The following MYO9A variants were observed in gnomAD, a reference collection of about 807,000 sequenced individuals.
MYO9A encodes the protein myosin IXA.
MYO9A carries 103 observed loss-of-function variants against 293.3 expected under a neutral mutation model. The ratio of observed to expected loss-of-function variants is 0.35; its 90% CI spans 0.30 to 0.41. The LOEUF (loss-of-function observed/expected upper bound fraction) is 0.41. MYO9A is among the 10% of genes least tolerant of loss of function. The pLI is 1.00. For missense variants in MYO9A, 2,685 were observed against 3,033.0 expected, an observed-to-expected ratio of 0.89 and a Z score of 2.69; for synonymous variants, 1,001 against 1,035.7, an observed-to-expected ratio of 0.97 and a Z score of 0.64.
At chr15:71,861,181 T>A (rs1032133692) in intron 33 of MYO9A, among the ~76,000 whole-genome samples, 1 of 151,524 alleles carries the variant, frequency 6.6e-6, no homozygotes, top group African/African-American at 2.4e-5. Flanking sequence ...GCAAAACTGC[T>A]GTTGAACCAT....
intron 14 of MYO9A, among the ~76,000 whole-genome samples, chr15:71,952,809 T>G (rs2059082716): frequency 6.6e-6 from 1 of 152,232 alleles, no homozygotes; most frequent in Admixed American, 6.5e-5. Context: ...CATTTTACTG[T>G]ATAATTAGGA....
intron 19 of MYO9A, among the ~76,000 whole-genome samples, chr15:71,906,828 A>G (rs1272609678): frequency 1.5e-5 from 2 of 133,022 alleles, no homozygotes; most frequent in East Asian, 2.1e-4. Context: ...CAGTGGCACG[A>G]TCTCGGCCTA....
At position 71,951,523 on chromosome 15, in the gene MYO9A, C is replaced by G. The variant is rs549317927; in HGVS notation, c.2302+254G>C. ...ACTTGAAAGACAAATAGAAACCAAT[C>G]CAGTGACTGTAACCAAGTATAATTA... On this transcript the variant is annotated intron_variant, in intron 15 of 41. Coordinates refer to ENST00000356056, the MANE Select transcript of MYO9A (RefSeq NM_006901.4). 9.0e-4 allele frequency among the ~76,000 whole-genome samples: 137 copies of G among 151,946 alleles called. 1 individual carries two copies. The highest frequency in any genetic ancestry group is 3.4e-3 in the Middle Eastern group (1 of 294).
chr15:71,842,941 G>C (rs2055225629), intron 39 of MYO9A, among the ~76,000 whole-genome samples: 2 of 151,848 alleles, frequency 1.3e-5, no homozygotes, highest in South Asian at 4.2e-4. Flanking sequence ...ATGGGGCGGG[G>C]GGTGGTGAGG....
At chr15:72,034,101 C>CTGA (rs1255686592) in intron 2 of MYO9A, among the ~76,000 whole-genome samples, 6 of 152,196 alleles carry the variant, frequency 3.9e-5, no homozygotes, top group African/African-American at 1.4e-4. Flanking sequence ...GTCAACCAAG[C>CTGA]TGATGCCCCG....
chr15:72,050,713 T>C (rs1195519828), intron 1 of MYO9A, among the ~76,000 whole-genome samples: 1 of 152,222 alleles, frequency 6.6e-6, no homozygotes, highest in Non-Finnish European at 1.5e-5. Flanking sequence ...CAGGTAATTC[T>C]GTTATTGCTG....
intron 13 of MYO9A, among the ~76,000 whole-genome samples, chr15:71,962,476 C>T (rs1349380759): frequency 1.3e-5 from 2 of 152,090 alleles, no homozygotes; most frequent in Admixed American, 6.6e-5. Context: ...CTTACATACC[C>T]TTAGAGCAAA....
chr15:71,956,352 A>ATATATATATATATATAT (rs1346560683), intron 14 of MYO9A, among the ~76,000 whole-genome samples: 5 of 64,906 alleles, frequency 7.7e-5, no homozygotes, highest in Non-Finnish European at 1.1e-4. Context: ...TATATATATA[A>ATATATATATATATATAT]AATACGCCCA....
chr15:71,904,139 G>A (rs1217857382), intron 20 of MYO9A, 100 bp from the exon 21 acceptor site: 7 of 933,882 alleles, frequency 7.5e-6, no homozygotes, highest in East Asian at 2.6e-5. Context: ...GAGATTGACT[G>A]GAGGTTGTCT....
Position 71,904,957 on chromosome 15 carries a change from A to G in MYO9A, c.2735T>C (p.Phe912Ser). ...AGCATTAGAGCGAATGCATTTTACA[A>G]AATATGGTTCTGCTTGACCAAGTGT... ...METLGQAEPY[F>S]VKCIRSNAEK... The change falls in exon 20 of 42, where the codon TTT (phenylalanine) becomes TCT (serine). Residue 912 changes from phenylalanine to serine, a missense_variant. Around this residue, in one of 10 missense-constraint regions of MYO9A, gnomAD observed 1,434 missense variants for 1,497.7 expected, o/e 0.96. Transcript: ENST00000356056. 6.2e-7 allele frequency: 1 copy of G among 1,605,636 alleles called. No homozygotes were observed. The highest frequency in any genetic ancestry group is 8.5e-7 in the Non-Finnish European group (1 of 1,174,422).
intron 32 of MYO9A, among the ~76,000 whole-genome samples, chr15:71,870,501 T>C (rs541469427): frequency 1.3e-5 from 2 of 152,272 alleles, no homozygotes; most frequent in South Asian, 4.1e-4. Context: ...TTTAAGAGAT[T>C]TGGTACTGAT....
chr15:72,061,881 G>A (rs755471534), intron 1 of MYO9A, among the ~76,000 whole-genome samples: 3 of 152,208 alleles, frequency 2.0e-5, no homozygotes, highest in Non-Finnish European at 4.4e-5. Flanking sequence ...CACAGGCCTT[G>A]GGCAGGACCC....
chr15:71,880,210 A>G, intron 29 of MYO9A, 125 bp downstream of exon 29: 1 of 837,444 alleles, frequency 1.2e-6, no homozygotes. Flanking sequence ...CCTTTCTGGT[A>G]AAGAACAGAT....
chr15:71,966,907 T>G (rs1176407492), intron 13 of MYO9A, among the ~76,000 whole-genome samples: 1 of 152,194 alleles, frequency 6.6e-6, no homozygotes, highest in Non-Finnish European at 1.5e-5. Flanking sequence ...AAGCCCTAAA[T>G]AATAACCCCC....
At chr15:72,064,477 A>G (rs2078963381) in intron 1 of MYO9A, among the ~76,000 whole-genome samples, 1 of 152,198 alleles carries the variant, frequency 6.6e-6, no homozygotes, top group African/African-American at 2.4e-5. Context: ...AGTTTTAAAA[A>G]GCATAGATGG....
At chr15:71,988,351 A>G (rs925615739) in intron 11 of MYO9A, among the ~76,000 whole-genome samples, 26 of 152,214 alleles carry the variant, frequency 1.7e-4, no homozygotes, top group Admixed American at 5.9e-4. Context: ...CAGAGTGTTA[A>G]GGTTTGAATA....
chr15:71,842,047 A>G (rs1241293604), intron 39 of MYO9A, among the ~76,000 whole-genome samples: 1 of 152,094 alleles, frequency 6.6e-6, no homozygotes, highest in Non-Finnish European at 1.5e-5. Context: ...AGAGGTCCAT[A>G]ACAAGCATAA....
chr15:72,003,423 G>A (rs1411861308), intron 8 of MYO9A, among the ~76,000 whole-genome samples: 3 of 151,472 alleles, frequency 2.0e-5, no homozygotes, highest in East Asian at 2.0e-4. Flanking sequence ...CAGGCCGGGC[G>A]CGGTGGCCCA....
intron 1 of MYO9A, among the ~76,000 whole-genome samples, chr15:72,067,354 G>A (rs2079052253): frequency 6.6e-6 from 1 of 151,920 alleles, no homozygotes; most frequent in Non-Finnish European, 1.5e-5. Context: ...CTGCTGCCCA[G>A]GCTGGAGTCC....
Sources: gnomAD v4.1 joint callset for allele counts (sites outside exome capture counted in the v4.1 genomes callset) on GRCh38, gnomAD v4.1.1 for gene constraint, gnomAD v4.1.1 regional missense constraint, MANE v1.5 for transcripts, NCBI Gene and HGNC (gene_info 2026-07-23, HGNC 2026-07-21) for gene names.